The following CTTNBP2 variants were observed in gnomAD, a reference collection of about 807,000 sequenced individuals.
The protein encoded by CTTNBP2 is cortactin binding protein 2.
In CTTNBP2, 108 loss-of-function variants were observed where a neutral mutation model predicts 156.9. The observed-to-expected ratio is 0.69, with a 90% CI of 0.59 to 0.81. The LOEUF is 0.81. Ranked by LOEUF, CTTNBP2 falls within the 30% of genes least tolerant of loss-of-function variation. The probability of loss-of-function intolerance (pLI) is 0.00; values close to 1 mark genes in which losing one functional copy is unlikely to be tolerated. For synonymous variants in CTTNBP2, 767 were observed against 751.8 expected (o/e 1.02, Z -0.33); for missense variants, 1,924 against 2,035.4 (o/e 0.95, Z 1.05).
chr7:117,720,926 T>A (rs183824131), intron 20 of CTTNBP2, 141 bp downstream of exon 20: 1 of 681,056 alleles, frequency 1.5e-6, no homozygotes, highest in East Asian at 2.7e-5. Context: ...AATATCAGCA[T>A]TTGAATGACA....
intron 1 of CTTNBP2, chr7:117,872,102 G>T: frequency 4.9e-6 from 2 of 412,254 alleles, no homozygotes; most frequent in Non-Finnish European, 6.5e-6. Flanking sequence ...ATCAAAACTT[G>T]CCAGTTTTAC....
At chr7:117,866,118 TGAGAAAGA>T (rs892641157) in intron 1 of CTTNBP2, among the ~76,000 whole-genome samples, 1 of 151,808 alleles carries the variant, frequency 6.6e-6, no homozygotes, top group Non-Finnish European at 1.5e-5. Flanking sequence ...TCATACAGGC[TGAGAAAGA>T]GAGAAAGAGA....
At chr7:117,830,822 G>A (rs1159314944) in intron 2 of CTTNBP2, among the ~76,000 whole-genome samples, 1 of 152,206 alleles carries the variant, frequency 6.6e-6, no homozygotes, top group Non-Finnish European at 1.5e-5. Context: ...TGAATTAATT[G>A]AGGAAGTAAT....
At chr7:117,778,329 T>C (rs555978768) in intron 7 of CTTNBP2, among the ~76,000 whole-genome samples, 7 of 152,304 alleles carry the variant, frequency 4.6e-5, no homozygotes, top group African/African-American at 1.7e-4. Context: ...TGGGCCCCTA[T>C]TGAGTGTTTT....
intron 17 of CTTNBP2, among the ~76,000 whole-genome samples, chr7:117,725,749 G>T (rs573886668): frequency 2.2e-4 from 33 of 152,132 alleles, no homozygotes; most frequent in African/African-American, 7.5e-4. Context: ...GTGCCAAGGC[G>T]CAATCTCGGC....
At chr7:117,830,983 GT>G (rs1801570315) in intron 2 of CTTNBP2, among the ~76,000 whole-genome samples, 1 of 151,608 alleles carries the variant, frequency 6.6e-6, no homozygotes, top group South Asian at 2.1e-4. Flanking sequence ...TAATTTTTTT[GT>G]TTCTTAAAGT....
At chr7:117,785,444 G>C (rs372531592) in intron 4 of CTTNBP2, among the ~76,000 whole-genome samples, 42 of 152,184 alleles carry the variant, frequency 2.8e-4, no homozygotes, top group African/African-American at 9.9e-4. Flanking sequence ...GACATTTTCC[G>C]CTTTTTCCTT....
At chr7:117,720,871 C>A (rs573370008) in intron 20 of CTTNBP2, among the ~76,000 whole-genome samples, 196 bp downstream of exon 20, 1 of 152,182 alleles carries the variant, frequency 6.6e-6, no homozygotes, top group South Asian at 2.1e-4. Flanking sequence ...TTAATCTTAA[C>A]GAACAATTTA....
At chr7:117,861,523 C>T (rs1803752562) in intron 1 of CTTNBP2, among the ~76,000 whole-genome samples, 1 of 152,224 alleles carries the variant, frequency 6.6e-6, no homozygotes, top group Middle Eastern at 3.4e-3. Context: ...CTCTCCTCTC[C>T]AAGGAGCTAT....
At chr7:117,742,809 GT>G (rs1278061631) in intron 14 of CTTNBP2, among the ~76,000 whole-genome samples, 18 of 152,174 alleles carry the variant, frequency 1.2e-4, no homozygotes, top group Admixed American at 1.1e-3. Context: ...AAATCCCAAA[GT>G]TTTTACATAA....
chr7:117,713,323 C>T (rs1794163371), intron 22 of CTTNBP2, among the ~76,000 whole-genome samples: 1 of 152,142 alleles, frequency 6.6e-6, no homozygotes, highest in South Asian at 2.1e-4. Context: ...CTTTCTTTAG[C>T]CCTCATTTAT....
chr7:117,774,197 T>C (rs1050501184), intron 8 of CTTNBP2, among the ~76,000 whole-genome samples: 5 of 152,146 alleles, frequency 3.3e-5, no homozygotes, highest in Non-Finnish European at 2.9e-5. Context: ...TGACATTTAA[T>C]GGTGGTCTGC....
intron 12 of CTTNBP2, among the ~76,000 whole-genome samples, chr7:117,751,007 C>G (rs117556982): frequency 1.3e-5 from 2 of 152,324 alleles, no homozygotes; most frequent in East Asian, 1.9e-4. Context: ...GCCTCATTAT[C>G]ACAATTGGTA....
At chr7:117,826,826 CATTATTATTATTATTATT>C (rs71984775) in intron 2 of CTTNBP2, among the ~76,000 whole-genome samples, 5,410 of 140,224 alleles carry the variant, frequency 0.039, 152 homozygotes, top group African/African-American at 0.069. Context: ...TTCTACTGAG[CATTATTATTATTATTATT>C]ATTATTATTA....
chr7:117,742,956 C>A (rs35746349), intron 14 of CTTNBP2, among the ~76,000 whole-genome samples: 7,075 of 152,266 alleles, frequency 0.046, 531 homozygotes, highest in African/African-American at 0.16. Flanking sequence ...ATTCTCCCTG[C>A]AGCCCTGCCC....
At chr7:117,786,176 C>T (rs1162400173) in intron 4 of CTTNBP2, among the ~76,000 whole-genome samples, 1 of 152,140 alleles carries the variant, frequency 6.6e-6, no homozygotes, top group African/African-American at 2.4e-5. Context: ...TGAAACTACA[C>T]TGCTAATAAA....
chr7:117,816,481 G>A (rs137995635), intron 2 of CTTNBP2, among the ~76,000 whole-genome samples: 40 of 152,242 alleles, frequency 2.6e-4, no homozygotes, highest in African/African-American at 9.1e-4. Context: ...TGCTTGGGAT[G>A]CTTCCCCTCC....
chr7:117,783,260 T>C (rs190493432), intron 5 of CTTNBP2, among the ~76,000 whole-genome samples: 17 of 152,330 alleles, frequency 1.1e-4, no homozygotes, highest in African/African-American at 4.1e-4. Context: ...AAAAATGTCA[T>C]GTGCCAGAAA....
chr7:117,746,485 G>C (rs1796338482), intron 12 of CTTNBP2, among the ~76,000 whole-genome samples: 1 of 151,972 alleles, frequency 6.6e-6, no homozygotes, highest in Non-Finnish European at 1.5e-5. Flanking sequence ...GCTTGTTCGT[G>C]GTTAAAACAG....
Sources: allele counts gnomAD v4.1 joint callset (sites outside exome capture counted in the v4.1 genomes callset), GRCh38; gene constraint gnomAD v4.1.1; transcripts MANE v1.5; gene names NCBI Gene and HGNC (gene_info 2026-07-23, HGNC 2026-07-21).